SUGCT: variants seen among roughly 807,000 people sequenced by gnomAD.
SUGCT encodes succinyl-CoA:glutarate-CoA transferase.
In SUGCT, 41 loss-of-function variants were observed where a neutral mutation model predicts 55.0. The ratio of observed to expected loss-of-function variants is 0.74; its 90% CI spans 0.58 to 0.97. SUGCT has a LOEUF of 0.97. Among genes scored for constraint, SUGCT ranks in the 50% least tolerant of loss-of-function variants. The pLI is 0.00. For synonymous variants in SUGCT, 187 were observed against 200.4 expected (o/e 0.93, Z 0.56); for missense variants, 568 against 547.8 (o/e 1.04, Z -0.37).
intron 8 of SUGCT, among the ~76,000 whole-genome samples, chr7:40,288,505 A>T (rs1205836770): frequency 1.3e-5 from 2 of 151,908 alleles, no homozygotes; most frequent in African/African-American, 4.8e-5. Context: ...TTGGATAAAA[A>T]CTCATCAGTT....
intron 8 of SUGCT, among the ~76,000 whole-genome samples, chr7:40,313,710 G>A (rs1015799258): frequency 5.3e-5 from 8 of 151,520 alleles, no homozygotes; most frequent in African/African-American, 1.9e-4. Flanking sequence ...GCTAACTGCA[G>A]CCTTGACCTC....
chr7:40,566,253 A>C (rs144766316), intron 12 of SUGCT, among the ~76,000 whole-genome samples: 208 of 116,294 alleles, frequency 1.8e-3, no homozygotes, highest in African/African-American at 6.5e-3. Context: ...TGCTTAACAC[A>C]GATACTATTA....
chr7:40,362,998 T>C (rs1798229179), intron 9 of SUGCT, among the ~76,000 whole-genome samples: 1 of 152,224 alleles, frequency 6.6e-6, no homozygotes, highest in Non-Finnish European at 1.5e-5. Flanking sequence ...ATGGCTGTTA[T>C]TGGTCTATTC....
intron 6 of SUGCT, among the ~76,000 whole-genome samples, chr7:40,199,946 T>G (rs1305469202): frequency 6.6e-6 from 1 of 152,104 alleles, no homozygotes; most frequent in Non-Finnish European, 1.5e-5. Flanking sequence ...ACATACAAGG[T>G]AATGAATAGT....
At chr7:40,221,887 G>A (rs1788044190) in intron 6 of SUGCT, among the ~76,000 whole-genome samples, 1 of 152,214 alleles carries the variant, frequency 6.6e-6, no homozygotes, top group South Asian at 2.1e-4. Context: ...AAAGAAAGGG[G>A]CTTCACTGGG....
Position 40,698,802 on chromosome 7 carries a change from T to G in SUGCT, c.1090-50632T>G, listed in dbSNP as rs546572903. Among the ~76,000 whole-genome samples the G allele has an allele frequency of 2.6e-5, 4 of 152,322 alleles. No individual in the cohort carries two copies. In the South Asian group the frequency reaches 8.3e-4, roughly 32 times the overall value. On this transcript the variant is annotated intron_variant, in intron 12 of 13. Transcript: ENST00000335693. ...ATAGATGAGAAGTGAGGTGGGTGAC[T>G]GTGGATGCCTGCGATTTTGGTATAG... is the stretch of plus-strand genomic sequence containing the variant.
intron 9 of SUGCT, among the ~76,000 whole-genome samples, chr7:40,374,490 T>C (rs1217657848): frequency 1.3e-5 from 2 of 152,080 alleles, no homozygotes; most frequent in African/African-American, 4.8e-5. Flanking sequence ...AAATAAAGGG[T>C]ATCAGCACAA....
chr7:40,575,035 T>A (rs1291410090), intron 12 of SUGCT, among the ~76,000 whole-genome samples: 3 of 147,564 alleles, frequency 2.0e-5, no homozygotes, highest in Non-Finnish European at 4.4e-5. Context: ...TGCCTCTGCA[T>A]CCCTCCTTAA....
intron 12 of SUGCT, among the ~76,000 whole-genome samples, chr7:40,603,709 T>G (rs1339880998): frequency 6.6e-6 from 1 of 152,166 alleles, no homozygotes; most frequent in Non-Finnish European, 1.5e-5. Context: ...AAATTCCCCT[T>G]CTTATTTGGT....
At chr7:40,565,072 G>T (rs1796050979) in intron 12 of SUGCT, among the ~76,000 whole-genome samples, 1 of 152,202 alleles carries the variant, frequency 6.6e-6, no homozygotes, top group Non-Finnish European at 1.5e-5. Context: ...CTAAAAATAT[G>T]TTGTGGATGT....
At chr7:40,956,269 G>T in the SUGCT span, among the ~76,000 whole-genome samples, 1 of 151,794 alleles carries the variant, frequency 6.6e-6, no homozygotes, top group Non-Finnish European at 1.5e-5. Flanking sequence ...GGTTTTTTTT[G>T]GTTGCTAGGC....
chr7:40,356,076 A>G (rs1797874878), intron 9 of SUGCT, among the ~76,000 whole-genome samples: 1 of 152,228 alleles, frequency 6.6e-6, no homozygotes, highest in South Asian at 2.1e-4. Flanking sequence ...ACTTGCATCA[A>G]GGTCTGAAGA....
chr7:40,187,265 T>A (rs376150501), intron 3 of SUGCT, among the ~76,000 whole-genome samples: 1 of 152,014 alleles, frequency 6.6e-6, no homozygotes, highest in Admixed American at 6.6e-5. Context: ...AAGGGGAATA[T>A]CACACACCGG....
At chr7:40,911,576 A>AC in the SUGCT span, among the ~76,000 whole-genome samples, 1 of 151,702 alleles carries the variant, frequency 6.6e-6, no homozygotes, top group Non-Finnish European at 1.5e-5. Flanking sequence ...TCAAAAAAAA[A>AC]AAAAAAAAGT....
intron 11 of SUGCT, among the ~76,000 whole-genome samples, chr7:40,459,795 C>A (rs1400657438): frequency 6.6e-6 from 1 of 152,094 alleles, no homozygotes; most frequent in East Asian, 1.9e-4. Context: ...ATTTTATTTC[C>A]ATTTTTTTCC....
chr7:40,684,104 C>T, intron 12 of SUGCT: 1 of 1,611,128 alleles, frequency 6.2e-7, no homozygotes, highest in Non-Finnish European at 8.5e-7. Context: ...GGCCCATGGC[C>T]CCTTCCTTCA....
At chr7:40,486,532 T>C (rs1791360185) in intron 11 of SUGCT, among the ~76,000 whole-genome samples, 1 of 152,082 alleles carries the variant, frequency 6.6e-6, no homozygotes, top group Admixed American at 6.6e-5. Flanking sequence ...CTGTTTTTGC[T>C]TTTTTAGTTC....
chr7:40,796,383 A>G (rs758985602), intron 13 of SUGCT, among the ~76,000 whole-genome samples: 1 of 152,226 alleles, frequency 6.6e-6, no homozygotes, highest in African/African-American at 2.4e-5. Context: ...CATTTCTGAG[A>G]AGATGCTTGG....
At chr7:40,774,038 C>T (rs1221859001) in intron 13 of SUGCT, among the ~76,000 whole-genome samples, 1 of 152,158 alleles carries the variant, frequency 6.6e-6, no homozygotes, top group Non-Finnish European at 1.5e-5. Flanking sequence ...AAATACACTA[C>T]ATCAAATTTT....
Sources: gnomAD v4.1 joint callset for allele counts (sites outside exome capture counted in the v4.1 genomes callset) on GRCh38, gnomAD v4.1.1 for gene constraint, MANE v1.5 for transcripts, NCBI Gene and HGNC (gene_info 2026-07-23, HGNC 2026-07-21) for gene names.